CNBD1: variants seen among roughly 807,000 people sequenced by gnomAD.
CNBD1 encodes the protein cyclic nucleotide-binding domain-containing protein 1.
In CNBD1, 71 loss-of-function variants were observed where a neutral mutation model predicts 54.4. That is an observed-to-expected ratio of 1.30 (90% confidence interval 1.08 to 1.59). The LOEUF (loss-of-function observed/expected upper bound fraction) is 1.59. Among genes scored for constraint, CNBD1 ranks in the 40% most tolerant of loss-of-function variants. The pLI is 0.00. For synonymous variants in CNBD1, 182 were observed against 170.7 expected (o/e 1.07, Z -0.51); for missense variants, 659 against 518.0 (o/e 1.27, Z -2.64).
chr8:87,413,793 A>G (rs1438828961), intron 2 of CNBD1, among the ~76,000 whole-genome samples: 1 of 151,444 alleles, frequency 6.6e-6, no homozygotes, highest in Admixed American at 6.6e-5. Flanking sequence ...ACTGGCCATC[A>G]GAGAAATGCA....
chr8:87,303,243 A>G (rs1364279348), intron 8 of CNBD1, among the ~76,000 whole-genome samples: 1 of 151,252 alleles, frequency 6.6e-6, no homozygotes, highest in East Asian at 1.9e-4. Context: ...ACTATACTAC[A>G]AGGCTACAGT....
At chr8:87,398,689 T>A (rs1246907313) in intron 2 of CNBD1, among the ~76,000 whole-genome samples, 1 of 152,048 alleles carries the variant, frequency 6.6e-6, no homozygotes, top group Non-Finnish European at 1.5e-5. Context: ...GAGGCCTATA[T>A]GGTTGGATAT....
chr8:87,243,497 G>C (rs1284012080), intron 6 of CNBD1, among the ~76,000 whole-genome samples: 3 of 152,026 alleles, frequency 2.0e-5, no homozygotes, highest in African/African-American at 7.2e-5. Flanking sequence ...CATTCCCTGC[G>C]GTCAGTGCTC....
At chr8:87,148,922 A>T (rs1812544341) in intron 4 of CNBD1, among the ~76,000 whole-genome samples, 1 of 152,090 alleles carries the variant, frequency 6.6e-6, no homozygotes, top group Non-Finnish European at 1.5e-5. Context: ...CAAACAAAAA[A>T]CTCAGGCAAT....
At chr8:87,080,496 G>A (rs897777421) in intron 4 of CNBD1, among the ~76,000 whole-genome samples, 6 of 152,056 alleles carry the variant, frequency 3.9e-5, no homozygotes, top group South Asian at 2.1e-4. Context: ...ACTTGAACCC[G>A]GGAGGTGGAG....
intron 2 of CNBD1, among the ~76,000 whole-genome samples, chr8:87,406,306 G>C (rs990394134): frequency 2.0e-5 from 3 of 151,748 alleles, no homozygotes; most frequent in African/African-American, 7.3e-5. Flanking sequence ...ATACCTAATA[G>C]AAAAAAGCTA....
chr8:87,371,134 T>C (rs1810780426), intron 10 of CNBD1, among the ~76,000 whole-genome samples: 1 of 151,796 alleles, frequency 6.6e-6, no homozygotes, highest in African/African-American at 2.4e-5. Flanking sequence ...ACTGTAGCCT[T>C]GTAGTATAGT....
At chr8:87,308,342 G>A (rs1809199025) in intron 8 of CNBD1, among the ~76,000 whole-genome samples, 1 of 152,150 alleles carries the variant, frequency 6.6e-6, no homozygotes, top group African/African-American at 2.4e-5. Context: ...CATCCATCTG[G>A]GAGTCAGACA....
At chr8:87,194,225 T>A (rs776998500) in intron 4 of CNBD1, among the ~76,000 whole-genome samples, 1 of 152,138 alleles carries the variant, frequency 6.6e-6, no homozygotes, top group Non-Finnish European at 1.5e-5. Context: ...AGTGTACAGT[T>A]CTCTTGTTTT....
At chr8:86,949,948 T>TTTTTTTTTTG (rs1807562958) in intron 4 of CNBD1, among the ~76,000 whole-genome samples, 2 of 51,098 alleles carry the variant, frequency 3.9e-5, no homozygotes, top group African/African-American at 9.6e-5. Context: ...CATCAAATGC[T>TTTTTTTTTTG]TTTTTTTTTT....
rs566034102 is a variant in CNBD1 at position 86,894,286 on chromosome 8, C to T, written c.158+6675C>T. Reference sequence around the variant, plus strand: ...CCTTGTTAGCCAGGATGGTCTCGATCTCCTGACCTCATGATCCACCCGCCT... The same window carrying T: ...CCTTGTTAGCCAGGATGGTCTCGATTTCCTGACCTCATGATCCACCCGCCT... On this transcript the variant is annotated intron_variant, in intron 2 of 10. Transcript: ENST00000518476. Among the ~76,000 whole-genome samples the T allele has an allele frequency of 1.7e-3, 260 of 151,196 alleles. 1 individual carries two copies. Among genetic ancestry groups the T allele is most frequent in the African/African-American group, 5.7e-3 (236 of 41,312 alleles).
In CNBD1 at chr8:87,179,991, T is replaced by TAATGA. The variant is rs376023887; in HGVS notation, c.432-25998_432-25997insAAATG. On this transcript the variant is annotated intron_variant, in intron 4 of 10. Transcript: ENST00000518476. ...ATATGATCTGTAGGTTATCAGTAGT[T>TAATGA]AATGTAAAGGATTTATTTTTTGTAT... Among the ~76,000 whole-genome samples, 43 of 152,318 alleles carry TAATGA rather than the reference T, an allele frequency of 2.8e-4. No homozygotes were observed. The East Asian group carries it at 7.5e-3, about 27-fold the overall frequency.
intron 4 of CNBD1, among the ~76,000 whole-genome samples, chr8:87,056,966 T>A (rs1460179768): frequency 1.3e-5 from 2 of 152,212 alleles, no homozygotes; most frequent in Non-Finnish European, 2.9e-5. Context: ...CCTCCCTTTG[T>A]GTGTGGATGG....
At chr8:87,336,825 T>C (rs1361931918) in intron 8 of CNBD1, among the ~76,000 whole-genome samples, 1 of 152,202 alleles carries the variant, frequency 6.6e-6, no homozygotes, top group Non-Finnish European at 1.5e-5. Context: ...TCTCATCTTT[T>C]TGAGTTTGTC....
chr8:87,154,611 G>C (rs1812676206), intron 4 of CNBD1, among the ~76,000 whole-genome samples: 1 of 152,208 alleles, frequency 6.6e-6, no homozygotes, highest in Non-Finnish European at 1.5e-5. Context: ...AATATCCACA[G>C]TGGGGAGTGC....
intron 4 of CNBD1, among the ~76,000 whole-genome samples, chr8:87,132,171 G>T (rs1344130758): frequency 2.6e-5 from 4 of 151,198 alleles, no homozygotes; most frequent in Non-Finnish European, 5.9e-5. Flanking sequence ...ATTAATATTT[G>T]TTTCCATATT....
At chr8:86,965,220 G>A (rs1227263323) in intron 4 of CNBD1, among the ~76,000 whole-genome samples, 1 of 152,130 alleles carries the variant, frequency 6.6e-6, no homozygotes, top group Non-Finnish European at 1.5e-5. Flanking sequence ...ATGACAGCAT[G>A]AGAAAAAAGA....
chr8:86,942,103 G>T (rs777808388), intron 4 of CNBD1, among the ~76,000 whole-genome samples: 2 of 152,142 alleles, frequency 1.3e-5, no homozygotes, highest in Non-Finnish European at 2.9e-5. Context: ...TTAACAGAAA[G>T]CCTTAAGCTC....
intron 7 of CNBD1, among the ~76,000 whole-genome samples, chr8:87,285,706 A>G (rs1456710642): frequency 6.6e-6 from 1 of 152,126 alleles, no homozygotes; most frequent in East Asian, 1.9e-4. Flanking sequence ...CCCTGTCTCT[A>G]CTGAAAATAC....
Sources: gnomAD v4.1 joint callset for allele counts (sites outside exome capture counted in the v4.1 genomes callset) on GRCh38, gnomAD v4.1.1 for gene constraint, MANE v1.5 for transcripts, NCBI Gene and HGNC (gene_info 2026-07-23, HGNC 2026-07-21) for gene names.